The following TYSND1 variants were observed in gnomAD, a reference collection of about 807,000 sequenced individuals.
TYSND1 encodes trypsin like peroxisomal matrix peptidase 1, also known as peroxisomal leader peptide-processing protease.
Under a neutral mutation model 37.2 loss-of-function variants are expected in TYSND1, and 30 were observed. That is an observed-to-expected ratio of 0.81 (90% CI 0.60 to 1.09). The LOEUF is 1.09. Ranked by LOEUF, TYSND1 falls within the 50% of genes least tolerant of loss-of-function variation. TYSND1 has a pLI of 0.00. For synonymous variants in TYSND1, 364 were observed against 383.8 expected, an observed-to-expected ratio of 0.95 and a Z score of 0.60; for missense variants, 806 against 817.4, an observed-to-expected ratio of 0.99 and a Z score of 0.17.
chr10:70,146,264 G>A lies in TYSND1; in HGVS notation c.323C>T (p.Pro108Leu), dbSNP rs1349133867. Residue 108 changes from proline (P) to leucine (L), a missense_variant, in exon 1 of 4, where the codon CCC (proline) becomes CTC (leucine). Pro to Leu is a moderately conservative substitution (Grantham distance 98). Transcript: ENST00000287078. ...GCCGGGCTCGAGGCTCGCGCACTGG[G>A]GCGTGCACAGCCCTGGGCGGCCCCG... is the stretch of plus-strand genomic sequence containing the variant. ...AERGRPGLCTPQCASLEPGPP... is the reference protein window; with the variant it reads ...AERGRPGLCTLQCASLEPGPP... 2 of 1,478,910 alleles carry A rather than the reference G, an allele frequency of 1.4e-6. No homozygotes were observed. Among genetic ancestry groups the A allele is most frequent in the Admixed American group, 4.6e-5 (2 of 43,234 alleles). 91.6% of individuals were successfully genotyped at this position (1,478,910 alleles called of 1,614,324 possible). A position where few individuals can be genotyped will look rare whatever the true frequency, so the allele number is the denominator to read the frequency against.
rs1287540168 is a variant in TYSND1, at chr10:70,140,090, T to C, written c.1535A>G (p.His512Arg). 3.7e-6 allele frequency: 6 copies of C among 1,613,772 alleles called. No individual in the cohort carries two copies. Among genetic ancestry groups the C allele is most frequent in the Non-Finnish European group, 5.1e-6 (6 of 1,179,816 alleles). ...CGTGATGGGAATGCTGAAGTTCAGG[T>C]GGGGGTAGGTGGCCCCCGTATTATT... ...RDNNTGATYP[H>R]LNFSIPITVL... The change falls in exon 4 of 4, where the codon CAC becomes CGC. Residue 512 changes from histidine (H) to arginine (R), a missense_variant. By Grantham distance (29) the His-to-Arg change is conservative. Coordinates refer to ENST00000287078, the MANE Select transcript of TYSND1 (RefSeq NM_173555.4).
chr10:70,142,898 C>T (rs1169756915), intron 2 of TYSND1, 45 bp from the exon 3 acceptor site: 1 of 1,596,294 alleles, frequency 6.3e-7, no homozygotes, highest in Non-Finnish European at 8.6e-7. Flanking sequence ...ACCTGTGTTA[C>T]AGCAGGACTC....
Position 70,146,276 on chromosome 10 carries a change from C to T in TYSND1, c.311G>A (p.Gly104Glu). 6.8e-7 allele frequency: 1 copy of T among 1,469,458 alleles called. No homozygotes were observed. The highest frequency in any genetic ancestry group is 8.9e-7 in the Non-Finnish European group (1 of 1,120,674). 91.0% of individuals were successfully genotyped at this position (1,469,458 alleles called of 1,614,324 possible). A position where few individuals can be genotyped will look rare whatever the true frequency, so the allele number is the denominator to read the frequency against. ...PGGGAERGRP[G>E]LCTPQCASLE... Reference sequence around the variant, plus strand: ...GCTCGCGCACTGGGGCGTGCACAGCCCTGGGCGGCCCCGCTCCGCGCCGCC... The same window carrying T: ...GCTCGCGCACTGGGGCGTGCACAGCTCTGGGCGGCCCCGCTCCGCGCCGCC... The change falls in exon 1 of 4, where the codon GGG (glycine) becomes GAG (glutamate). Residue 104 changes from glycine to glutamate, a missense_variant. Gly to Glu is a moderately conservative substitution (Grantham distance 98). Transcript: ENST00000287078.
chr10:70,142,650 G>T lies in TYSND1; in HGVS notation c.1483+18C>A. 2.0e-6 allele frequency: 3 copies of T among 1,533,846 alleles called. No homozygotes were observed. The highest frequency in any genetic ancestry group is 2.6e-6 in the Non-Finnish European group (3 of 1,133,434). On this transcript the variant is annotated intron_variant, in intron 3 of 3. Coordinates refer to ENST00000287078, the MANE Select transcript of TYSND1 (RefSeq NM_173555.4). ...TCTGGCAAGTGGGAGGGCGGGAGGGGGCCAAAGAGCTGGTTACCAAGGAGG... is the reference window on the plus strand; with the variant it reads ...TCTGGCAAGTGGGAGGGCGGGAGGGTGCCAAAGAGCTGGTTACCAAGGAGG...
Position 70,139,867 on chromosome 10 carries a change from C to A in TYSND1, c.*57G>T. On this transcript the variant is annotated 3_prime_UTR_variant, in exon 4 of 4. Coordinates refer to ENST00000287078, the MANE Select transcript of TYSND1 (RefSeq NM_173555.4). Reference sequence around the variant, plus strand: ...AATCCTGAGGCCACCGTCACCTCAACATCACTTCCTACAGCAGAAAAAGGT... The same window carrying A: ...AATCCTGAGGCCACCGTCACCTCAAAATCACTTCCTACAGCAGAAAAAGGT... 2 of 1,540,892 alleles carry A rather than the reference C, an allele frequency of 1.3e-6. No individual in the cohort carries two copies. Among genetic ancestry groups the A allele is most frequent in the Non-Finnish European group, 8.8e-7 (1 of 1,132,530 alleles).
chr10:70,146,177 AG>A lies in TYSND1; in HGVS notation c.409del (p.Leu137CysfsTer2), dbSNP rs1247927877. Reference sequence around the variant, plus strand: ...GGCCCAGAAGGCCGGGCAGCTCAGCAGCAGCAGCAGCTCAGCAGGAAGCCGG... The same window carrying A: ...GGCCCAGAAGGCCGGGCAGCTCAGCACAGCAGCAGCTCAGCAGGAAGCCGG... Reference protein sequence around the residue: ...QPRLPAELLLLLSCPAFWAHF... With the variant: ...QPRLPAELLLXLSCPAFWAHF... On this transcript the variant is annotated frameshift_variant, in exon 1 of 4. Coordinates refer to ENST00000287078, the MANE Select transcript of TYSND1 (RefSeq NM_173555.4). LOFTEE classifies it high-confidence loss of function. 6.5e-7 allele frequency: 1 copy of A among 1,543,176 alleles called. No individual in the cohort carries two copies. The highest frequency in any genetic ancestry group is 1.2e-5 in the South Asian group (1 of 84,128).
chr10:70,144,977 A>G (rs957309382), intron 1 of TYSND1: 1 of 175,774 alleles, frequency 5.7e-6, no homozygotes, highest in African/African-American at 2.4e-5. Flanking sequence ...GATAAAATTA[A>G]CATACCCATC....
At chr10:70,144,161 T>C in intron 1 of TYSND1, 189 bp from the exon 2 acceptor site, 1 of 691,228 alleles carries the variant, frequency 1.4e-6, no homozygotes, top group Non-Finnish European at 2.3e-6. Flanking sequence ...CAAACTGTGC[T>C]ACTTCTCTAA....
intron 3 of TYSND1, among the ~76,000 whole-genome samples, chr10:70,140,424 G>A (rs1425020140): frequency 1.3e-5 from 2 of 152,168 alleles, no homozygotes; most frequent in Non-Finnish European, 2.9e-5. Flanking sequence ...CATAAGGGCA[G>A]GACTTTGAGG....
At position 70,146,092 on chromosome 10, in the gene TYSND1, C is replaced by A; in HGVS notation, c.495G>T (p.Ala165=). 6.3e-7 allele frequency: 1 copy of A among 1,580,734 alleles called. No homozygotes were observed. Among genetic ancestry groups the A allele is most frequent in the Non-Finnish European group, 8.6e-7 (1 of 1,164,380 alleles). ...CGTCCTCCGACACTTCGTCATCCCG[C>A]GCCGCGCTCGAGAAGCGCCACTGTT... is the stretch of plus-strand genomic sequence containing the variant. ...AAEQWRFSSA[A]RDDEVSEDEE... The change falls in exon 1 of 4, where the codon GCG becomes GCT. Residue 165 remains alanine, a synonymous_variant. Transcript: ENST00000287078.
intron 1 of TYSND1, chr10:70,144,604 C>T: frequency 1.0e-6 from 1 of 986,444 alleles, no homozygotes; most frequent in Non-Finnish European, 1.2e-6. Flanking sequence ...CAGGGGCGTC[C>T]TACTACACAC....
intron 3 of TYSND1, 121 bp from the exon 4 acceptor site, chr10:70,140,262 C>G: frequency 1.4e-6 from 1 of 731,502 alleles, no homozygotes; most frequent in Non-Finnish European, 2.2e-6. Context: ...TACCACCCCA[C>G]GTGGTGACAG....
In TYSND1 at chr10:70,142,844, A is replaced by C; in HGVS notation, c.1307T>G (p.Val436Gly). The C allele has an allele frequency of 6.2e-7, 1 of 1,613,356 alleles. No homozygotes were observed. The highest frequency in any genetic ancestry group is 1.1e-5 in the South Asian group (1 of 91,072). The change falls in exon 3 of 4, where the codon GTG becomes GGG. Residue 436 changes from valine to glycine, a missense_variant. Val to Gly is a moderately radical substitution (Grantham distance 109). Transcript: ENST00000287078. ...AAAGACGCCAAAGCCCACCACACTC[A>C]CAGCCTCGCCTGCCAGGGAAGGAAG... is the stretch of plus-strand genomic sequence containing the variant. ...PAEHFHEGEA[V>G]SVVGFGVFGQ...
At chr10:70,144,369 G>A in intron 1 of TYSND1, 3 of 768,606 alleles carry the variant, frequency 3.9e-6, no homozygotes, top group Non-Finnish European at 4.8e-6. Flanking sequence ...AAAGTGGGAG[G>A]AGCCAAGGCA....
At chr10:70,144,887 G>A in intron 1 of TYSND1, 6 of 624,726 alleles carry the variant, frequency 9.6e-6, no homozygotes, top group Non-Finnish European at 1.2e-5. Flanking sequence ...ACAGCTGCGT[G>A]GGCCACCCCC....
In TYSND1 at chr10:70,145,690, G is replaced by C; in HGVS notation, c.897C>G (p.Ala299=). The part of the protein sequence containing the change: ...EWVGFTLLCA[A]APLFRAARDA... ...CGCGGGCGGCGCGGAAAAGGGGGGC[G>C]GCGGCGCAGAGCAGCGTGAAGCCCA... The change falls in exon 1 of 4, where the codon GCC becomes GCG. Residue 299 remains alanine (A), a synonymous_variant. Transcript: ENST00000287078. The C allele has an allele frequency of 7.2e-7, 1 of 1,388,030 alleles. No homozygotes were observed. The highest frequency in any genetic ancestry group is 9.3e-7 in the Non-Finnish European group (1 of 1,080,242). The allele number at this position is 1,388,030 out of a possible 1,614,324, so 86.0% of individuals were successfully genotyped here.
Position 70,146,629 on chromosome 10 carries a change from A to T in TYSND1, c.-43T>A. ...CTCGGGAGCTTCTCCGAGAAACAGC[A>T]AGCTAGCGAGCGAGGACCCCTACCC... On this transcript the variant is annotated 5_prime_UTR_variant, in exon 1 of 4. Coordinates refer to ENST00000287078, the MANE Select transcript of TYSND1 (RefSeq NM_173555.4). 6.9e-7 allele frequency: 1 copy of T among 1,457,596 alleles called. No individual in the cohort carries two copies. The highest frequency in any genetic ancestry group is 1.4e-5 in the South Asian group (1 of 72,312). The allele number at this position is 1,457,596 out of a possible 1,614,324, so 90.3% of individuals were successfully genotyped here. A position where few individuals can be genotyped will look rare whatever the true frequency, so the allele number is the denominator to read the frequency against.
chr10:70,140,258 C>A (rs1185933810), intron 3 of TYSND1, 117 bp from the exon 4 acceptor site: 1 of 772,888 alleles, frequency 1.3e-6, no homozygotes, highest in South Asian at 1.9e-5. Context: ...TGGATACCAC[C>A]CCACGTGGTG....
intron 3 of TYSND1, 55 bp from the exon 4 acceptor site, chr10:70,140,196 GA>G: frequency 6.9e-7 from 1 of 1,456,724 alleles, no homozygotes; most frequent in Non-Finnish European, 9.4e-7. Flanking sequence ...AGAAAGGCTG[GA>G]GAAGGGAGGA....
Sources: gnomAD v4.1 joint callset for allele counts (sites outside exome capture counted in the v4.1 genomes callset) on GRCh38, gnomAD v4.1.1 for gene constraint, MANE v1.5 for transcripts, NCBI Gene and HGNC (gene_info 2026-07-23, HGNC 2026-07-21) for gene names.